LY86: variants seen among roughly 807,000 people sequenced by gnomAD.
LY86 encodes the protein lymphocyte antigen 86.
LY86 carries 20 observed loss-of-function variants against 17.3 expected under a neutral mutation model. The observed-to-expected ratio is 1.15, with a 90% confidence interval of 0.81 to 1.68. The LOEUF is 1.68. Ranked by LOEUF, LY86 falls within the 40% of genes most tolerant of loss-of-function variation. The pLI is 0.00. For synonymous variants in LY86, 74 were observed against 70.6 expected (o/e 1.05, Z -0.24); for missense variants, 200 against 191.9 (o/e 1.04, Z -0.25).
At chr6:6,590,011 C>T (rs1292331739) in intron 1 of LY86, among the ~76,000 whole-genome samples, 1 of 149,166 alleles carries the variant, frequency 6.7e-6, no homozygotes, top group Non-Finnish European at 1.5e-5. Context: ...ATCCCAGCTA[C>T]TTGGGAGGCT....
intron 3 of LY86, among the ~76,000 whole-genome samples, chr6:6,635,834 G>A (rs904845134): frequency 5.3e-5 from 8 of 152,134 alleles, no homozygotes; most frequent in Non-Finnish European, 1.2e-4. Flanking sequence ...TCTGTGACCT[G>A]GAAAATTGCA....
rs1317305763 is a variant in LY86, at chr6:6,612,634, T to C, written c.137-12292T>C. Reference sequence around the variant, plus strand: ...CCACATCCTGCTGATTGGTCCATTTTACAGAGAGCCAATTGGTCTGTCTTA... The same window carrying C: ...CCACATCCTGCTGATTGGTCCATTTCACAGAGAGCCAATTGGTCTGTCTTA... On this transcript the variant is annotated intron_variant, in intron 1 of 4. Transcript: ENST00000230568. 2.0e-5 allele frequency among the ~76,000 whole-genome samples: 3 copies of C among 152,366 alleles called. No individual in the cohort carries two copies. In the East Asian group the frequency reaches 5.8e-4, roughly 29 times the overall value.
At chr6:6,611,664 C>T (rs1448976489) in intron 1 of LY86, among the ~76,000 whole-genome samples, 5 of 152,232 alleles carry the variant, frequency 3.3e-5, no homozygotes, top group South Asian at 2.1e-4. Context: ...TCTCTCACCG[C>T]ACCTTGTGGC....
chr6:6,630,534 A>T (rs1171602158), intron 3 of LY86, among the ~76,000 whole-genome samples: 1 of 152,228 alleles, frequency 6.6e-6, no homozygotes, highest in Non-Finnish European at 1.5e-5. Context: ...TAAGCTACAC[A>T]TCCACTTTTA....
intron 1 of LY86, among the ~76,000 whole-genome samples, chr6:6,607,022 C>T (rs558056775): frequency 2.2e-3 from 340 of 152,380 alleles, no homozygotes; most frequent in Middle Eastern, 3.4e-3. Flanking sequence ...TGGGCTACTC[C>T]AGAGGAGGGG....
At chr6:6,595,906 C>A (rs568263009) in intron 1 of LY86, among the ~76,000 whole-genome samples, 2 of 152,242 alleles carry the variant, frequency 1.3e-5, no homozygotes, top group African/African-American at 4.8e-5. Flanking sequence ...TGTGGGTGGT[C>A]CCTGTGGGAC....
intron 1 of LY86, among the ~76,000 whole-genome samples, chr6:6,604,519 T>C (rs1273100216): frequency 6.6e-6 from 1 of 152,202 alleles, no homozygotes. Flanking sequence ...ATGAAAGGTC[T>C]AGAGCTATGA....
chr6:6,591,508 G>A (rs901297336), intron 1 of LY86: 6 of 153,816 alleles, frequency 3.9e-5, no homozygotes, highest in African/African-American at 1.4e-4. Flanking sequence ...CCAAGCCTAA[G>A]TTGAGGCTTA....
intron 3 of LY86, among the ~76,000 whole-genome samples, chr6:6,636,272 CTT>C (rs1761957868): frequency 6.6e-6 from 1 of 152,220 alleles, no homozygotes; most frequent in Admixed American, 6.5e-5. Context: ...AGACAAGTAA[CTT>C]AATCTCTCTG....
intron 1 of LY86, among the ~76,000 whole-genome samples, chr6:6,620,158 G>A (rs1056588073): frequency 1.3e-5 from 2 of 151,880 alleles, no homozygotes; most frequent in South Asian, 2.1e-4. Context: ...ACACACACAC[G>A]AATGATTGTT....
chr6:6,614,997 G>C (rs952191354), intron 1 of LY86, among the ~76,000 whole-genome samples: 1 of 152,168 alleles, frequency 6.6e-6, no homozygotes, highest in Admixed American at 6.5e-5. Flanking sequence ...CATAAATTCT[G>C]TACACCTTGT....
chr6:6,644,389 A>T (rs1227979062), intron 3 of LY86, among the ~76,000 whole-genome samples: 6 of 152,086 alleles, frequency 3.9e-5, no homozygotes, highest in Non-Finnish European at 7.4e-5. Context: ...GGTGGCACGC[A>T]CTTGTAGTCT....
intron 3 of LY86, among the ~76,000 whole-genome samples, chr6:6,640,702 A>G (rs966061363): frequency 6.6e-6 from 1 of 152,000 alleles, no homozygotes; most frequent in Non-Finnish European, 1.5e-5. Flanking sequence ...CAACAGAGTG[A>G]GATTTCTCTC....
chr6:6,611,521 C>T (rs1761331782), intron 1 of LY86, among the ~76,000 whole-genome samples: 1 of 152,192 alleles, frequency 6.6e-6, no homozygotes, highest in African/African-American at 2.4e-5. Context: ...GTAATTACTG[C>T]AAGTATTTGG....
chr6:6,606,342 A>G (rs758934673), intron 1 of LY86, among the ~76,000 whole-genome samples: 22 of 152,118 alleles, frequency 1.4e-4, no homozygotes, highest in Non-Finnish European at 2.2e-4. Context: ...TGGTGTATTT[A>G]CAATCCCTTA....
At chr6:6,642,152 C>T (rs1407599969) in intron 3 of LY86, among the ~76,000 whole-genome samples, 1 of 152,244 alleles carries the variant, frequency 6.6e-6, no homozygotes, top group Non-Finnish European at 1.5e-5. Flanking sequence ...GGCCCCGACC[C>T]CTAAAAGCAT....
intron 4 of LY86, among the ~76,000 whole-genome samples, chr6:6,652,866 A>G (rs939868011): frequency 6.6e-6 from 1 of 152,218 alleles, no homozygotes; most frequent in Non-Finnish European, 1.5e-5. Flanking sequence ...AGCTCCTCTT[A>G]GGTTCATAAT....
At chr6:6,605,265 ATCACC>A (rs1174358657) in intron 1 of LY86, among the ~76,000 whole-genome samples, 4 of 134,900 alleles carry the variant, frequency 3.0e-5, no homozygotes, top group South Asian at 2.6e-4. Context: ...AATAAGCATT[ATCACC>A]TCACCTCACA....
At chr6:6,646,621 A>G (rs532892363) in intron 3 of LY86, among the ~76,000 whole-genome samples, 2 of 152,228 alleles carry the variant, frequency 1.3e-5, no homozygotes, top group East Asian at 1.9e-4. Flanking sequence ...CAGCTCACCA[A>G]TTCTAGCACC....
Sources: gnomAD v4.1 joint callset for allele counts (sites outside exome capture counted in the v4.1 genomes callset) on GRCh38, gnomAD v4.1.1 for gene constraint, MANE v1.5 for transcripts, NCBI Gene and HGNC (gene_info 2026-07-23, HGNC 2026-07-21) for gene names.